DEPDC5: variants seen among roughly 807,000 people sequenced by gnomAD.
DEPDC5 encodes DEP domain containing 5, GATOR1 subcomplex subunit, also known as GATOR1 complex protein DEPDC5.
Under a neutral mutation model 217.3 loss-of-function variants are expected in DEPDC5, and 73 were observed. The ratio of observed to expected loss-of-function variants is 0.34; its 90% CI spans 0.28 to 0.41. DEPDC5 has a LOEUF of 0.41. Ranked by LOEUF, DEPDC5 falls within the 10% of genes least tolerant of loss-of-function variation. The pLI is 1.00. For missense variants in DEPDC5, 1,675 were observed against 2,070.1 expected, an observed-to-expected ratio of 0.81 and a Z score of 3.70; for synonymous variants, 733 against 756.7, an observed-to-expected ratio of 0.97 and a Z score of 0.51.
rs756506370 is a variant in DEPDC5, at chr22:31,901,758, G to T, written c.4392G>T (p.Thr1464=). ...TCCTTTCAGGCTTTGAACCCGAAAC[G>T]TACTGGGATCGAATGCACCTCTTCC... ...EHLFDSFEPE[T]YWDRMHLFQE... is the part of the protein sequence containing the mutation. Residue 1464 remains threonine, a synonymous_variant, in exon 41 of 43, where the codon ACG becomes ACT. Coordinates refer to ENST00000651528, the MANE Select transcript of DEPDC5 (RefSeq NM_001242896.3). The T allele has an allele frequency of 1.2e-6, 2 of 1,613,184 alleles. No individual in the cohort carries two copies. The highest frequency in any genetic ancestry group is 1.3e-5 in the African/African-American group (1 of 74,904).
chr22:31,760,493 C>T (rs556563798), intron 3 of DEPDC5, among the ~76,000 whole-genome samples, 163 bp from the exon 4 acceptor site: 16 of 152,308 alleles, frequency 1.1e-4, no homozygotes, highest in East Asian at 3.9e-4. Context: ...CGTGAGCCAC[C>T]GCACCTGGCC....
At chr22:31,855,659 T>G (rs1435692125) in intron 31 of DEPDC5, among the ~76,000 whole-genome samples, 2 of 152,156 alleles carry the variant, frequency 1.3e-5, no homozygotes, top group Admixed American at 6.5e-5. Context: ...ATTACAGGCG[T>G]GAGCCACTGC....
chr22:31,813,320 T>G (rs1412745008), intron 20 of DEPDC5, among the ~76,000 whole-genome samples: 3 of 152,162 alleles, frequency 2.0e-5, no homozygotes, highest in Admixed American at 1.3e-4. Context: ...TTTTTCTAAT[T>G]AAAGATGACA....
chr22:31,820,555 G>A (rs764940180), intron 22 of DEPDC5, among the ~76,000 whole-genome samples: 7 of 152,144 alleles, frequency 4.6e-5, no homozygotes, highest in Non-Finnish European at 8.8e-5. Context: ...GGGGGGTCAT[G>A]CCTAAACCCC....
chr22:31,834,142 CTG>C (rs1198944502), intron 25 of DEPDC5, 162 bp downstream of exon 25: 4 of 766,004 alleles, frequency 5.2e-6, no homozygotes, highest in African/African-American at 5.1e-5. Context: ...TCTCTGGACT[CTG>C]TGATGGAAAG....
At chr22:31,853,484 G>C (rs1472227531) in intron 31 of DEPDC5, 1 of 152,186 alleles carries the variant, frequency 6.6e-6, no homozygotes, top group Admixed American at 6.5e-5. Flanking sequence ...TGCTTGCACA[G>C]AATTTTTTAT....
intron 9 of DEPDC5, chr22:31,784,254 A>G (rs1253784831): frequency 7.6e-6 from 2 of 263,454 alleles, no homozygotes; most frequent in Non-Finnish European, 7.1e-6. Context: ...GCTTCAAAAA[A>G]TAAAGAAATA....
chr22:31,852,315 C>T (rs1294443417), intron 31 of DEPDC5, among the ~76,000 whole-genome samples: 1 of 150,836 alleles, frequency 6.6e-6, no homozygotes, highest in African/African-American at 2.4e-5. Context: ...CTTATGTTTT[C>T]CTTTTATTTA....
chr22:31,833,066 A>C (rs189472047), intron 24 of DEPDC5, among the ~76,000 whole-genome samples: 61 of 152,234 alleles, frequency 4.0e-4, no homozygotes, highest in African/African-American at 1.4e-3. Flanking sequence ...AAATATTTTT[A>C]TGTGTATTTA....
intron 14 of DEPDC5, among the ~76,000 whole-genome samples, chr22:31,799,798 C>CA (rs1237771354): frequency 5.5e-4 from 66 of 119,246 alleles, no homozygotes; most frequent in African/African-American, 2.3e-3. Flanking sequence ...CCATGCCCGG[C>CA]CTTTTTTTTT....
intron 29 of DEPDC5, among the ~76,000 whole-genome samples, chr22:31,844,507 T>G (rs2091599881): frequency 6.6e-6 from 1 of 152,168 alleles, no homozygotes; most frequent in Admixed American, 6.5e-5. Context: ...CAAGTGGCAG[T>G]GCAGATTGCC....
chr22:31,804,347 C>T (rs769755778), intron 16 of DEPDC5, 124 bp downstream of exon 16: 45 of 909,814 alleles, frequency 4.9e-5, no homozygotes, highest in Non-Finnish European at 7.0e-5. Flanking sequence ...TGGGAAGATC[C>T]CTTAAGCCTA....
intron 32 of DEPDC5, 179 bp downstream of exon 32, chr22:31,857,732 C>T (rs1205174830): frequency 3.8e-6 from 2 of 521,102 alleles, no homozygotes; most frequent in Non-Finnish European, 6.7e-6. Flanking sequence ...CTTTCTTATT[C>T]ACAGTTGTAA....
At chr22:31,794,339 T>A (rs369641583) in intron 12 of DEPDC5, among the ~76,000 whole-genome samples, 38 of 152,270 alleles carry the variant, frequency 2.5e-4, no homozygotes, top group African/African-American at 8.7e-4. Flanking sequence ...CTCTTCTGAC[T>A]TAACAGTATA....
In DEPDC5 at chr22:31,804,012, T is replaced by C. The variant is rs2087183441; in HGVS notation, c.1082-150T>C. The C allele has an allele frequency of 7.5e-6, 5 of 670,912 alleles. No homozygotes were observed. In the East Asian group the frequency reaches 1.4e-4, roughly 18 times the overall value. The allele number at this position is 670,912 out of a possible 1,614,324, so 41.6% of individuals were successfully genotyped here. A position where few individuals can be genotyped will look rare whatever the true frequency, so the allele number is the denominator to read the frequency against. ...CAGACAAAATGAATGTATTTACTTCTTTGTTGGATAGGCAGCACTATGAGG... is the reference window on the plus strand; with the variant it reads ...CAGACAAAATGAATGTATTTACTTCCTTGTTGGATAGGCAGCACTATGAGG... On this transcript the variant is annotated intron_variant, in intron 15 of 42. Coordinates refer to ENST00000651528, the MANE Select transcript of DEPDC5 (RefSeq NM_001242896.3).
chr22:31,784,838 T>C lies in DEPDC5; in HGVS notation c.587T>C (p.Val196Ala). ...GGGGATTTGTATTTTGAGAAAGCTG[T>C]GAATGGTTTCCTTGCTGATCTATTT... ...IYGDLYFEKA[V>A]NGFLADLFTK... The change falls in exon 10 of 43, where the codon GTG becomes GCG. Residue 196 changes from valine to alanine, a missense_variant. Transcript: ENST00000651528. 1 of 1,613,590 alleles carries C rather than the reference T, an allele frequency of 6.2e-7. No individual in the cohort carries two copies. The highest frequency in any genetic ancestry group is 8.5e-7 in the Non-Finnish European group (1 of 1,179,856).
chr22:31,768,249 G>A (rs1396261072), intron 6 of DEPDC5, among the ~76,000 whole-genome samples: 1 of 151,764 alleles, frequency 6.6e-6, no homozygotes, highest in Admixed American at 6.6e-5. Context: ...ATTTCAACTT[G>A]AAAAGATTAG....
At chr22:31,856,347 GACA>G (rs978755413) in intron 31 of DEPDC5, among the ~76,000 whole-genome samples, 35 of 152,296 alleles carry the variant, frequency 2.3e-4, no homozygotes, top group African/African-American at 7.7e-4. Flanking sequence ...TCAGTGCTGG[GACA>G]ACAACAAGGC....
At chr22:31,883,156 C>A (rs888710468) in intron 38 of DEPDC5, among the ~76,000 whole-genome samples, 4 of 152,132 alleles carry the variant, frequency 2.6e-5, no homozygotes, top group African/African-American at 7.2e-5. Context: ...TAAAATGTCT[C>A]CTGACATTGC....
Sources: allele counts gnomAD v4.1 joint callset (sites outside exome capture counted in the v4.1 genomes callset), GRCh38; gene constraint gnomAD v4.1.1; transcripts MANE v1.5; gene names NCBI Gene and HGNC (gene_info 2026-07-23, HGNC 2026-07-21).